The following SLC12A9 variants were observed in gnomAD, a reference collection of about 807,000 sequenced individuals.
SLC12A9 encodes CCC-interacting protein 1.
SLC12A9 carries 55 observed loss-of-function variants against 66.0 expected under a neutral mutation model. That is an observed-to-expected ratio of 0.83 (90% CI 0.67 to 1.04). The LOEUF (loss-of-function observed/expected upper bound fraction) is 1.04. Ranked by LOEUF, SLC12A9 falls within the 50% of genes least tolerant of loss-of-function variation. The pLI is 0.00. For missense variants in SLC12A9, 1,061 were observed against 1,241.9 expected, an observed-to-expected ratio of 0.85 and a Z score of 2.19; for synonymous variants, 577 against 569.0, an observed-to-expected ratio of 1.01 and a Z score of -0.20.
Position 100,859,172 on chromosome 7 carries a change from A to T in SLC12A9, c.977+11A>T. 6.2e-7 allele frequency: 1 copy of T among 1,611,216 alleles called. No homozygotes were observed. On this transcript the variant is annotated intron_variant, in intron 7 of 13. Coordinates refer to ENST00000354161, the MANE Select transcript of SLC12A9 (RefSeq NM_020246.4). ...CTTCACTTGTGACAGGTGTCTGGGGAGGGATGGGGGTGGAGTGTCGAACAA... is the reference window on the plus strand; with the variant it reads ...CTTCACTTGTGACAGGTGTCTGGGGTGGGATGGGGGTGGAGTGTCGAACAA...
chr7:100,860,226 G>A lies in SLC12A9; in HGVS notation c.1212G>A (p.Leu404=). 1.2e-6 allele frequency: 2 copies of A among 1,613,952 alleles called. No individual in the cohort carries two copies. Among genetic ancestry groups the A allele is most frequent in the Non-Finnish European group, 1.7e-6 (2 of 1,179,882 alleles). The change falls in exon 9 of 14, where the codon CTG becomes CTA. Residue 404 remains leucine (L), a synonymous_variant. Transcript: ENST00000354161. ...CAGCTGTACTTTATTCTTGGGGCCT[G>A]GTGCAGGTGAGCCTTCTTCTTCAAG... ...PWAAVLYSWG[L]VQLVLLAGKL...
intron 13 of SLC12A9, 148 bp from the exon 14 acceptor site, chr7:100,865,571 T>G: frequency 6.3e-7 from 1 of 1,579,638 alleles, no homozygotes. Flanking sequence ...TATGCAAATA[T>G]GCAGAATGTT....
chr7:100,847,289 C>T (rs61357484), intron 1 of SLC12A9, among the ~76,000 whole-genome samples: 16 of 152,234 alleles, frequency 1.1e-4, no homozygotes, highest in Admixed American at 5.2e-4. Context: ...CGTGAGCCAC[C>T]GCGCCCAGCC....
chr7:100,841,981 A>G (rs1434615054), intron 1 of SLC12A9, among the ~76,000 whole-genome samples: 1 of 152,096 alleles, frequency 6.6e-6, no homozygotes, highest in Non-Finnish European at 1.5e-5. Context: ...TAGCACATGT[A>G]CCACCCCTAG....
At position 100,839,524 on chromosome 7, in the gene SLC12A9, C is replaced by T. The variant is rs573656408; in HGVS notation, n.228+12477C>T. ...CGGATGGTCGAGGCAGCTCCTTAGG[C>T]GGCTTAAGCCTGCCGTGTGGAACAT... On this transcript the variant is annotated intron_variant and non_coding_transcript_variant, in intron 1 of 1. Transcript: ENST00000461016. Among the ~76,000 whole-genome samples, 70 of 152,320 alleles carry T rather than the reference C, an allele frequency of 4.6e-4. 1 individual carries two copies. Among genetic ancestry groups the T allele is most frequent in the African/African-American group, 1.5e-3 (64 of 41,562 alleles).
chr7:100,839,734 A>C (rs1179097926), intron 1 of SLC12A9, among the ~76,000 whole-genome samples: 1 of 152,102 alleles, frequency 6.6e-6, no homozygotes, highest in Non-Finnish European at 1.5e-5. Context: ...ACTTGGTAAG[A>C]CTAGTCTTTG....
intron 1 of SLC12A9, among the ~76,000 whole-genome samples, chr7:100,835,859 G>A (rs1813645762): frequency 6.6e-6 from 1 of 152,220 alleles, no homozygotes; most frequent in Non-Finnish European, 1.5e-5. Context: ...AATGAGAGAA[G>A]GGCAGAGCTT....
At position 100,827,164 on chromosome 7, in the gene SLC12A9, T is replaced by C. The variant is rs1477703908; in HGVS notation, n.228+117T>C. On this transcript the variant is annotated intron_variant and non_coding_transcript_variant, in intron 1 of 1. Transcript: ENST00000461016. ...CGTCGGGGCCCTCAGCGCGGGCCCA[T>C]GCGAGCGTGCGGGGCACCGGGCGGC... 6 of 885,104 alleles carry C rather than the reference T, an allele frequency of 6.8e-6. No homozygotes were observed. In the East Asian group the frequency reaches 1.0e-4, roughly 15 times the overall value. The allele number at this position is 885,104 out of a possible 1,614,324, so 54.8% of individuals were successfully genotyped here. A position where few individuals can be genotyped will look rare whatever the true frequency, so the allele number is the denominator to read the frequency against.
At position 100,865,781 on chromosome 7, in the gene SLC12A9, T is replaced by C; in HGVS notation, c.1921T>C (p.Phe641Leu). The change falls in exon 14 of 14, where the codon TTC (phenylalanine) becomes CTC (leucine). Residue 641 changes from phenylalanine to leucine, a missense_variant. Transcript: ENST00000354161. ...CGATGACGCTCCACCGCAGGACCAT[T>C]TCCTGACGGACCCGGCTTTCTCTGA... ...FYDDAPPQDH[F>L]LTDPAFSEPA... 6.2e-7 allele frequency: 1 copy of C among 1,614,026 alleles called. No homozygotes were observed. Among genetic ancestry groups the C allele is most frequent in the Non-Finnish European group, 8.5e-7 (1 of 1,180,004 alleles).
upstream of SLC12A9, chr7:100,852,459 C>T (rs546055160): frequency 1.3e-5 from 2 of 152,278 alleles, no homozygotes; most frequent in Non-Finnish European, 2.9e-5. Flanking sequence ...TGGCTGCTCA[C>T]CGCACCTCGG....
chr7:100,833,866 G>A (rs1035108163), intron 1 of SLC12A9, among the ~76,000 whole-genome samples: 5 of 145,106 alleles, frequency 3.4e-5, no homozygotes, highest in African/African-American at 7.8e-5. Context: ...CCGGGAGGCG[G>A]AGCTTGCAGT....
intron 12 of SLC12A9, among the ~76,000 whole-genome samples, chr7:100,862,169 C>T (rs1369997491): frequency 2.0e-5 from 3 of 152,026 alleles, no homozygotes; most frequent in African/African-American, 7.2e-5. Context: ...GTTGGCCAAG[C>T]TAGTCTCGAA....
Position 100,860,182 on chromosome 7 carries a change from C to G in SLC12A9, c.1168C>G (p.Arg390Gly). Residue 390 changes from arginine to glycine, a missense_variant, in exon 9 of 14, where the codon CGA becomes GGA. By Grantham distance (125) the Arg-to-Gly change is moderately radical. Transcript: ENST00000354161. ...CTTGGCACCGGCCAAGGTTGTGTCC[C>G]GAGGGGGAAACCCCTGGGCAGCTGT... Reference protein sequence around the residue: ...VILAPAKVVSRGGNPWAAVLY... With the variant: ...VILAPAKVVSGGGNPWAAVLY... 6.2e-7 allele frequency: 1 copy of G among 1,614,194 alleles called. No homozygotes were observed. The highest frequency in any genetic ancestry group is 8.5e-7 in the Non-Finnish European group (1 of 1,180,034).
At position 100,865,954 on chromosome 7, in the gene SLC12A9, G is replaced by A; in HGVS notation, c.2094G>A (p.Val698=). ...ADALKMNKNV[V]LARASGALPP... ...CCCTCAAGATGAACAAGAATGTGGT[G>A]CTGGCCCGGGCCAGCGGGGCCTTGC... The change falls in exon 14 of 14, where the codon GTG becomes GTA. Residue 698 remains valine (V), a synonymous_variant. Coordinates refer to ENST00000354161, the MANE Select transcript of SLC12A9 (RefSeq NM_020246.4). 2 of 1,613,232 alleles carry A rather than the reference G, an allele frequency of 1.2e-6. No homozygotes were observed. Among genetic ancestry groups the A allele is most frequent in the Non-Finnish European group, 1.7e-6 (2 of 1,179,968 alleles).
rs752407443 is a variant in SLC12A9 at position 100,855,690 on chromosome 7, C to T, written c.317-16C>T. On this transcript the variant is annotated splice_polypyrimidine_tract_variant and intron_variant, in intron 3 of 13. Coordinates refer to ENST00000354161, the MANE Select transcript of SLC12A9 (RefSeq NM_020246.4). ...CAGTCTTTTCCCTTAATGCTCACCCCTGCTTCCACTTTCAGTCATGATCAG... is the reference window on the plus strand; with the variant it reads ...CAGTCTTTTCCCTTAATGCTCACCCTTGCTTCCACTTTCAGTCATGATCAG... The T allele has an allele frequency of 1.4e-5, 22 of 1,614,038 alleles. No individual in the cohort carries two copies. The highest frequency in any genetic ancestry group is 1.9e-5 in the Non-Finnish European group (22 of 1,179,938).
chr7:100,846,054 C>T (rs893142998), intron 1 of SLC12A9, among the ~76,000 whole-genome samples: 3 of 152,154 alleles, frequency 2.0e-5, no homozygotes, highest in African/African-American at 7.2e-5. Context: ...GCTGCCTACA[C>T]ATAGATAATC....
In SLC12A9 at chr7:100,861,127, C is replaced by T. The variant is rs1488301091; in HGVS notation, c.1219-11C>T. Reference sequence around the variant, plus strand: ...TTTGGAACAACGGCACGCCTCTTGGCCCTTGCCCAGCTGGTGCTCCTGGCT... The same window carrying T: ...TTTGGAACAACGGCACGCCTCTTGGTCCTTGCCCAGCTGGTGCTCCTGGCT... On this transcript the variant is annotated splice_polypyrimidine_tract_variant and intron_variant, in intron 9 of 13. Coordinates refer to ENST00000354161, the MANE Select transcript of SLC12A9 (RefSeq NM_020246.4). This position sits in a 1 kb window ranked among gnomAD's most constrained non-coding sequence, Gnocchi z 5.3. 4.3e-6 allele frequency: 7 copies of T among 1,614,042 alleles called. No individual in the cohort carries two copies. Among genetic ancestry groups the T allele is most frequent in the East Asian group, 2.2e-5 (1 of 44,892 alleles).
intron 1 of SLC12A9, among the ~76,000 whole-genome samples, chr7:100,841,386 T>C (rs1035958124): frequency 1.1e-4 from 17 of 151,758 alleles, no homozygotes; most frequent in African/African-American, 2.4e-5. Flanking sequence ...TAAGGAGGCA[T>C]AAGAATGTAC....
rs1332334229 is a variant in SLC12A9 at position 100,859,157 on chromosome 7, G to A, written c.973G>A (p.Asp325Asn). Residue 325 changes from aspartate to asparagine, a missense_variant, in exon 7 of 14, where the codon GAC becomes AAC. Asp to Asn is a conservative substitution (Grantham distance 23). Coordinates refer to ENST00000354161, the MANE Select transcript of SLC12A9 (RefSeq NM_020246.4). ...LLFFLSSFTC[D>N]RTLLQEDYGF... The stretch of plus-strand genomic sequence containing the variant: ...TTTCTTTCTCTCCAGCTTCACTTGT[G>A]ACAGGTGTCTGGGGAGGGATGGGGG... 1.2e-6 allele frequency: 2 copies of A among 1,613,756 alleles called. No homozygotes were observed. The highest frequency in any genetic ancestry group is 2.2e-5 in the East Asian group (1 of 44,888).
Sources: gnomAD v4.1 joint callset for allele counts (sites outside exome capture counted in the v4.1 genomes callset) on GRCh38, gnomAD v4.1.1 for gene constraint, Gnocchi (gnomAD v3.1) non-coding constraint, MANE v1.5 for transcripts, NCBI Gene and HGNC (gene_info 2026-07-23, HGNC 2026-07-21) for gene names.